The following SAMD12 variants were observed in gnomAD, a reference collection of about 807,000 sequenced individuals.
The protein encoded by SAMD12 is sterile alpha motif domain-containing protein 12.
Under a neutral mutation model 15.0 loss-of-function variants are expected in SAMD12, and 9 were observed. The observed-to-expected ratio is 0.60, with a 90% confidence interval of 0.36 to 1.05. SAMD12 has a LOEUF of 1.05. SAMD12 is among the 50% of genes least tolerant of loss of function. The pLI, the probability that SAMD12 is intolerant of heterozygous loss-of-function variation, is 0.01. For missense variants in SAMD12, 230 were observed against 234.2 expected, an observed-to-expected ratio of 0.98 and a Z score of 0.12; for synonymous variants, 86 against 90.1, an observed-to-expected ratio of 0.96 and a Z score of 0.25.
At chr8:118,133,908 C>T in the SAMD12 span, among the ~76,000 whole-genome samples, 2 of 152,136 alleles carry the variant, frequency 1.3e-5, no homozygotes, top group Admixed American at 1.3e-4. Flanking sequence ...GTAATTAATA[C>T]TATAGTCCTG....
chr8:118,474,789 T>C (rs1034121927), intron 2 of SAMD12, among the ~76,000 whole-genome samples: 5 of 152,186 alleles, frequency 3.3e-5, no homozygotes, highest in African/African-American at 1.2e-4. Flanking sequence ...TTTAGCACTC[T>C]AAACCTCTTG....
intron 4 of SAMD12, among the ~76,000 whole-genome samples, chr8:118,215,647 A>G: frequency 6.9e-6 from 1 of 145,100 alleles, no homozygotes; most frequent in Non-Finnish European, 1.5e-5. Context: ...CCAGAGTGTG[A>G]TATTCCCCTT....
At position 118,610,970 on chromosome 8, in the gene SAMD12, C is replaced by T. The variant is rs139990532; in HGVS notation, c.13+10834G>A. Among the ~76,000 whole-genome samples the T allele has an allele frequency of 2.2e-3, 329 of 152,052 alleles. 2 individuals are homozygous for T. The highest frequency in any genetic ancestry group is 7.6e-3 in the African/African-American group (317 of 41,462). Reference sequence around the variant, plus strand: ...TCAGGATGCATGTTAGATTCAGGACCCCATTTCTGATTTACCTGAAAAGAT... The same window carrying T: ...TCAGGATGCATGTTAGATTCAGGACTCCATTTCTGATTTACCTGAAAAGAT... On this transcript the variant is annotated intron_variant, in intron 1 of 3. Transcript: ENST00000314727.
chr8:118,141,254 A>T, the SAMD12 span, among the ~76,000 whole-genome samples: 6 of 152,250 alleles, frequency 3.9e-5, no homozygotes, highest in African/African-American at 1.2e-4. Flanking sequence ...TAACAGAAGT[A>T]CTAACTAATT....
the SAMD12 span, among the ~76,000 whole-genome samples, chr8:118,150,427 C>A: frequency 2.0e-5 from 3 of 152,170 alleles, no homozygotes; most frequent in African/African-American, 7.2e-5. Flanking sequence ...GTCCCCCAGG[C>A]TGGAGTGTAG....
chr8:118,431,256 C>T (rs539787163), intron 3 of SAMD12, among the ~76,000 whole-genome samples: 2 of 152,186 alleles, frequency 1.3e-5, no homozygotes, highest in East Asian at 1.9e-4. Context: ...GTTATTATTG[C>T]TTTAACCAGT....
intron 2 of SAMD12, among the ~76,000 whole-genome samples, chr8:118,484,861 T>C (rs1824233452): frequency 6.6e-6 from 1 of 152,182 alleles, no homozygotes; most frequent in South Asian, 2.1e-4. Flanking sequence ...TTCTCTTTGA[T>C]TTATTCATTT....
At chr8:118,330,392 A>T (rs956997283) in intron 4 of SAMD12, among the ~76,000 whole-genome samples, 4 of 152,182 alleles carry the variant, frequency 2.6e-5, no homozygotes, top group African/African-American at 9.7e-5. Context: ...TATCATGCAG[A>T]TCACAGCTTA....
At chr8:118,255,919 G>T (rs1017968168) in intron 4 of SAMD12, among the ~76,000 whole-genome samples, 11 of 152,004 alleles carry the variant, frequency 7.2e-5, no homozygotes, top group Admixed American at 6.6e-5. Flanking sequence ...AGATCCCTGA[G>T]GAATCTCCAC....
chr8:118,197,706 G>A (rs1819604524), exon 5 of SAMD12: 14 of 1,613,040 alleles, frequency 8.7e-6, no homozygotes, highest in Non-Finnish European at 1.1e-5. Context: ...AAGGCTAACC[G>A]TGTTTATGGA....
intron 4 of SAMD12, among the ~76,000 whole-genome samples, chr8:118,370,174 A>G (rs555702794): frequency 2.0e-5 from 3 of 152,174 alleles, no homozygotes; most frequent in Non-Finnish European, 4.4e-5. Flanking sequence ...GCCAAAAAAC[A>G]TGAAAAAAAA....
In SAMD12 at chr8:118,331,956, A is replaced by G. The variant is rs559120156; in HGVS notation, c.433+47604T>C. Among the ~76,000 whole-genome samples, 42 of 152,322 alleles carry G rather than the reference A, an allele frequency of 2.8e-4. 1 individual carries two copies. The Middle Eastern group carries it at 0.01, about 37-fold the overall frequency. On this transcript the variant is annotated intron_variant, in intron 4 of 4. Coordinates refer to the SAMD12 transcript ENST00000409003. ...TTTAGAACATAGATTTTAAACATGT[A>G]TTAATATTACTTAAACACCTGATAG...
At chr8:118,579,490 T>A (rs747601801) in intron 2 of SAMD12, among the ~76,000 whole-genome samples, 12 of 152,164 alleles carry the variant, frequency 7.9e-5, no homozygotes, top group Non-Finnish European at 1.6e-4. Context: ...TTGGTAATCA[T>A]TCCCCATTCC....
At chr8:118,541,058 A>G (rs1301330656) in intron 2 of SAMD12, among the ~76,000 whole-genome samples, 2 of 152,210 alleles carry the variant, frequency 1.3e-5, no homozygotes, top group Non-Finnish European at 2.9e-5. Context: ...TCTTTCCCAG[A>G]GGATGAAGCC....
downstream of SAMD12, among the ~76,000 whole-genome samples, chr8:118,373,817 T>C (rs1167017586): frequency 3.3e-5 from 5 of 152,162 alleles, no homozygotes; most frequent in Non-Finnish European, 7.3e-5. Flanking sequence ...TTTTACACTT[T>C]CTACGTATTT....
exon 5 of SAMD12, chr8:118,189,871 C>T (rs577223406): frequency 7.4e-5 from 11 of 148,736 alleles, no homozygotes; most frequent in African/African-American, 2.7e-4. Context: ...ACAGAAAAGG[C>T]ACTCTTGTTT....
At chr8:118,410,207 G>T (rs1821342007) in intron 3 of SAMD12, among the ~76,000 whole-genome samples, 1 of 152,166 alleles carries the variant, frequency 6.6e-6, no homozygotes, top group Admixed American at 6.5e-5. Flanking sequence ...ACACTGGGAT[G>T]TGTGATAAAC....
intron 4 of SAMD12, among the ~76,000 whole-genome samples, chr8:118,309,051 G>A (rs529813962): frequency 2.1e-4 from 32 of 152,144 alleles, no homozygotes; most frequent in Non-Finnish European, 4.3e-4. Flanking sequence ...ACATGAATAA[G>A]TTCTTTAGTG....
the SAMD12 span, among the ~76,000 whole-genome samples, chr8:118,143,520 G>A: frequency 6.6e-6 from 1 of 152,162 alleles, no homozygotes; most frequent in African/African-American, 2.4e-5. Context: ...ACAGTAAAGT[G>A]TAAAAGCATG....
Sources: gnomAD v4.1 joint callset for allele counts (sites outside exome capture counted in the v4.1 genomes callset) on GRCh38, gnomAD v4.1.1 for gene constraint, MANE v1.5 for transcripts, NCBI Gene and HGNC (gene_info 2026-07-23, HGNC 2026-07-21) for gene names.